TDG: variants seen among roughly 807,000 people sequenced by gnomAD.
The protein encoded by TDG is thymine DNA glycosylase.
A neutral mutation model predicts 46.1 loss-of-function variants in TDG; 23 were observed. The ratio of observed to expected loss-of-function variants is 0.50; its 90% CI spans 0.36 to 0.71. The LOEUF is 0.71. Among genes scored for constraint, TDG ranks in the 30% least tolerant of loss-of-function variants. The pLI, the probability that TDG is intolerant of heterozygous loss-of-function variation, is 0.00. For synonymous variants in TDG, 115 were observed against 161.3 expected (o/e 0.71, Z 2.18); for missense variants, 304 against 486.7 (o/e 0.62, Z 3.53).
intron 2 of TDG, among the ~76,000 whole-genome samples, chr12:103,979,377 T>C (rs1871704398): frequency 6.6e-6 from 1 of 152,168 alleles, no homozygotes; most frequent in African/African-American, 2.4e-5. Context: ...GTGCTGGGAT[T>C]ACAGACATGA....
intron 2 of TDG, among the ~76,000 whole-genome samples, chr12:103,978,011 A>G (rs144413160): frequency 6.6e-6 from 1 of 152,284 alleles, no homozygotes; most frequent in East Asian, 1.9e-4. Flanking sequence ...GCAGTGAGCC[A>G]AGATTGCACC....
Position 103,983,399 on chromosome 12 carries a change from TA to T in TDG, c.792+14del. 1 of 1,529,134 alleles carries T rather than the reference TA, an allele frequency of 6.5e-7. No homozygotes were observed. Among genetic ancestry groups the T allele is most frequent in the Non-Finnish European group, 8.8e-7 (1 of 1,137,900 alleles). 94.7% of individuals were successfully genotyped at this position (1,529,134 alleles called of 1,614,324 possible). The stretch of plus-strand genomic sequence containing the variant: ...TCCAGACACAGAAACTGTAAGTCCC[TA>T]AAATTGAATTTGTAAATCAGCTAAA... On this transcript the variant is annotated intron_variant, in intron 7 of 9. Coordinates refer to ENST00000392872, the MANE Select transcript of TDG (RefSeq NM_003211.6).
chr12:103,980,037 C>T lies in TDG; in HGVS notation c.373C>T (p.Pro125Ser). ...AGCTGAACTTCTGACCAAGACTCTC[C>T]CCGATATTTTGACCTTCAATCTGGA... is the stretch of plus-strand genomic sequence containing the variant. ...SEAELLTKTL[P>S]DILTFNLDIV... Residue 125 changes from proline (P) to serine (S), a missense_variant, in exon 3 of 10, where the codon CCC (proline) becomes TCC (serine). Physicochemically the swap from Pro to Ser is moderately conservative, Grantham distance 74. Coordinates refer to ENST00000392872, the MANE Select transcript of TDG (RefSeq NM_003211.6). 17 of 1,614,186 alleles carry T rather than the reference C, an allele frequency of 1.1e-5. No individual in the cohort carries two copies. Among genetic ancestry groups the T allele is most frequent in the Non-Finnish European group, 1.4e-5 (16 of 1,180,046 alleles).
intron 1 of TDG, 66 bp from the exon 2 acceptor site, chr12:103,976,852 G>A: frequency 6.3e-7 from 1 of 1,589,276 alleles, no homozygotes; most frequent in Non-Finnish European, 8.6e-7. Flanking sequence ...TTTTTGTACA[G>A]CTGATCATTT....
intron 8 of TDG, among the ~76,000 whole-genome samples, chr12:103,985,208 CAT>C (rs1555275230): frequency 3.9e-4 from 58 of 147,994 alleles, no homozygotes; most frequent in African/African-American, 1.4e-3. Context: ...CACACACACA[CAT>C]TACAGAAAGT....
intron 1 of TDG, among the ~76,000 whole-genome samples, chr12:103,971,537 C>G (rs1871282681): frequency 6.6e-6 from 1 of 152,128 alleles, no homozygotes; most frequent in Non-Finnish European, 1.5e-5. Flanking sequence ...GCCTGGGTGA[C>G]AGAGCGAGAC....
intron 1 of TDG, chr12:103,972,872 G>A (rs181199412): frequency 1.1e-4 from 60 of 562,728 alleles, no homozygotes; most frequent in African/African-American, 9.6e-4. Flanking sequence ...AATGACCTCC[G>A]ACTATACTAA....
At chr12:103,985,021 A>G in intron 8 of TDG, 101 bp downstream of exon 8, 2 of 972,112 alleles carry the variant, frequency 2.1e-6, no homozygotes, top group South Asian at 2.5e-5. Flanking sequence ...ATATACACAT[A>G]TACATATGTG....
At chr12:103,966,118 C>T (rs566596617) in intron 1 of TDG, 58 bp downstream of exon 1, 32 of 1,445,618 alleles carry the variant, frequency 2.2e-5, no homozygotes, top group African/African-American at 1.2e-4. Flanking sequence ...GGCAGGCTGG[C>T]TGGCGCGCGC....
intron 1 of TDG, among the ~76,000 whole-genome samples, chr12:103,974,652 G>A (rs1939195017): frequency 1.3e-5 from 2 of 152,034 alleles, no homozygotes; most frequent in South Asian, 4.1e-4. Context: ...AATGAAAACT[G>A]ATTAGTATAG....
At chr12:103,982,187 G>A (rs1371988511) in intron 4 of TDG, among the ~76,000 whole-genome samples, 1 of 152,024 alleles carries the variant, frequency 6.6e-6, no homozygotes, top group African/African-American at 2.4e-5. Context: ...AAACATTTAG[G>A]GCAACTGATA....
At position 103,965,881 on chromosome 12, in the gene TDG, G is replaced by C; in HGVS notation, c.-157G>C. 8.3e-7 allele frequency: 1 copy of C among 1,200,560 alleles called. No individual in the cohort carries two copies. The highest frequency in any genetic ancestry group is 1.5e-5 in the African/African-American group (1 of 67,246). 74.4% of individuals were successfully genotyped at this position (1,200,560 alleles called of 1,614,324 possible). ...GTCCGTGGGGGACGGTAGAAGCCTG[G>C]AGGAGGAGCTTGAGTCCAGCCACTG... On this transcript the variant is annotated 5_prime_UTR_variant, in exon 1 of 10. Coordinates refer to ENST00000392872, the MANE Select transcript of TDG (RefSeq NM_003211.6).
At chr12:103,966,234 TGGTGGA>T (rs1205609482) in intron 1 of TDG, among the ~76,000 whole-genome samples, 174 bp downstream of exon 1, 1 of 152,084 alleles carries the variant, frequency 6.6e-6, no homozygotes, top group Non-Finnish European at 1.5e-5. Flanking sequence ...GCGGCGGTGG[TGGTGGA>T]GGTCGGGGCT....
At chr12:103,986,114 G>C (rs1872143959) in intron 9 of TDG, 1 of 152,640 alleles carries the variant, frequency 6.6e-6, no homozygotes, top group South Asian at 2.0e-4. Context: ...ATAGAGACAG[G>C]GTTTCACCGT....
At position 103,985,623 on chromosome 12, in the gene TDG, G is replaced by A. The variant is rs776490263; in HGVS notation, c.985G>A (p.Val329Ile). ...CACAGAGGATGCAAAGAAGATGGCT[G>A]TTAAGGAAGAAAAATATGATCCAGG... The part of the protein sequence containing the change: ...LAQEDAKKMA[V>I]KEEKYDPGYE... The change falls in exon 9 of 10, where the codon GTT (valine) becomes ATT (isoleucine). Residue 329 changes from valine (V) to isoleucine (I), a missense_variant. Physicochemically the swap from Val to Ile is conservative, Grantham distance 29. Coordinates refer to ENST00000392872, the MANE Select transcript of TDG (RefSeq NM_003211.6). 3.1e-5 allele frequency: 50 copies of A among 1,613,904 alleles called. No individual in the cohort carries two copies. The highest frequency in any genetic ancestry group is 1.3e-4 in the Admixed American group (8 of 60,002).
intron 1 of TDG, 38 bp from the exon 2 acceptor site, chr12:103,976,880 A>G (rs1232090498): frequency 4.4e-6 from 7 of 1,608,230 alleles, no homozygotes; most frequent in Non-Finnish European, 5.9e-6. Context: ...CATTTGGGTA[A>G]TTTTATCATT....
intron 1 of TDG, among the ~76,000 whole-genome samples, chr12:103,971,984 G>T: frequency 6.6e-6 from 1 of 152,082 alleles, no homozygotes; most frequent in Admixed American, 6.5e-5. Context: ...ACATTGCAGA[G>T]TTCTGGATTA....
rs1246224915 is a variant in TDG, at chr12:103,966,060, G to C, written c.23G>C (p.Ser8Thr). 3 of 1,588,438 alleles carry C rather than the reference G, an allele frequency of 1.9e-6. No individual in the cohort carries two copies. The highest frequency in any genetic ancestry group is 2.6e-6 in the Non-Finnish European group (3 of 1,168,484). The change falls in exon 1 of 10, where the codon AGC becomes ACC. Residue 8 changes from serine (S) to threonine (T), a missense_variant and splice_region_variant. Physicochemically the swap from Ser to Thr is moderately conservative, Grantham distance 58. Coordinates refer to ENST00000392872, the MANE Select transcript of TDG (RefSeq NM_003211.6). MEAENAG[S>T]YSLQQAQAFY... ...GGAATGGAAGCGGAGAACGCGGGCA[G>C]GTAATACCGGGGCCAGCGCCGCCCC...
intron 8 of TDG, among the ~76,000 whole-genome samples, chr12:103,985,166 T>TACACACACAC (rs375705839): frequency 5.6e-4 from 78 of 138,554 alleles, no homozygotes; most frequent in African/African-American, 1.6e-3. Flanking sequence ...TATAGACACA[T>TACACACACAC]ACACACACAC....
Sources: gnomAD v4.1 joint callset for allele counts (sites outside exome capture counted in the v4.1 genomes callset) on GRCh38, gnomAD v4.1.1 for gene constraint, MANE v1.5 for transcripts, NCBI Gene and HGNC (gene_info 2026-07-23, HGNC 2026-07-21) for gene names.